NANS: variants seen among roughly 807,000 people sequenced by gnomAD.
NANS encodes the protein N-acetylneuraminate synthase, also known as N-acetylneuraminate-9-phosphate synthase.
In NANS, 29 loss-of-function variants were observed where a neutral mutation model predicts 33.3. That is an observed-to-expected ratio of 0.87 (90% CI 0.65 to 1.19). NANS has a LOEUF of 1.19. Among genes scored for constraint, NANS ranks in the 50% most tolerant of loss-of-function variants. NANS has a pLI of 0.00. For synonymous variants in NANS, 163 were observed against 177.2 expected, an observed-to-expected ratio of 0.92 and a Z score of 0.64; for missense variants, 394 against 461.1, an observed-to-expected ratio of 0.85 and a Z score of 1.33.
chr9:98,073,546 G>C (rs1829446675), intron 2 of NANS, among the ~76,000 whole-genome samples: 1 of 150,904 alleles, frequency 6.6e-6, no homozygotes, highest in South Asian at 2.1e-4. Flanking sequence ...GCCTCCCAAA[G>C]TGCTGGGATT....
chr9:98,078,055 C>A, intron 3 of NANS, 138 bp from the exon 4 acceptor site: 1 of 1,301,968 alleles, frequency 7.7e-7, no homozygotes, highest in Non-Finnish European at 1.1e-6. Context: ...TCTCTGTTCC[C>A]CCACAGGGGC....
At position 98,060,863 on chromosome 9, in the gene NANS, A is replaced by T; in HGVS notation, c.214A>T (p.Thr72Ser). 1 of 1,614,164 alleles carries T rather than the reference A, an allele frequency of 6.2e-7. No individual in the cohort carries two copies. The highest frequency in any genetic ancestry group is 2.2e-5 in the East Asian group (1 of 44,884). ...TCGGAAAGCCTTGGAGAGGCCATAC[A>T]CCTCGAAGCATTCCTGGGGGAAGAC... ...FNRKALERPYTSKHSWGKTYG... is the reference protein window; with the variant it reads ...FNRKALERPYSSKHSWGKTYG... Residue 72 changes from threonine (T) to serine (S), a missense_variant, in exon 2 of 6, where the codon ACC becomes TCC. By Grantham distance (58) the Thr-to-Ser change is moderately conservative. Transcript: ENST00000210444.
In NANS at chr9:98,063,405, C is replaced by T. The variant is rs562654025; in HGVS notation, c.348+2408C>T. 1.3e-4 allele frequency among the ~76,000 whole-genome samples: 20 copies of T among 151,926 alleles called. No homozygotes were observed. The South Asian group carries it at 4.0e-3, about 30-fold the overall frequency. On this transcript the variant is annotated intron_variant, in intron 2 of 5. Transcript: ENST00000210444. ...TACAGGCACCTGCCACCAGGCCCAG[C>T]TAAATTTTGTATTTTTAGTAGAGAT...
chr9:98,065,308 C>CTTTTT lies in NANS; in HGVS notation c.348+4328_348+4332dup, dbSNP rs758040892. ...TTTAAAGTGTTAGTCACTCCTGGTG[C>CTTTTT]TTTTTTTTTTTTTTTTTTTTTGAAA... On this transcript the variant is annotated intron_variant, in intron 2 of 5. Coordinates refer to ENST00000210444, the MANE Select transcript of NANS (RefSeq NM_018946.4). Among the ~76,000 whole-genome samples the CTTTTT allele has an allele frequency of 6.3e-4, 58 of 92,750 alleles. 1 individual carries two copies. The highest frequency in any genetic ancestry group is 4.2e-3 in the Admixed American group (35 of 8,336). 60.8% of individuals were successfully genotyped at this position (92,750 alleles called of 152,430 possible).
rs150529610 is a variant in NANS, at chr9:98,057,057, G to T, written c.132+117G>T. 680 of 1,325,142 alleles carry T rather than the reference G, an allele frequency of 5.1e-4. 7 individuals carry two copies. The East Asian group carries it at 0.019, about 37-fold the overall frequency. The allele number at this position is 1,325,142 out of a possible 1,614,324, so 82.1% of individuals were successfully genotyped here. A position where few individuals can be genotyped will look rare whatever the true frequency, so the allele number is the denominator to read the frequency against. ...GGGTACCCTGGTCCGGCCTCTTCCC[G>T]CCCGCCAGTTCCGTTTTCGGAATCC... On this transcript the variant is annotated intron_variant, in intron 1 of 5. Coordinates refer to ENST00000210444, the MANE Select transcript of NANS (RefSeq NM_018946.4).
At chr9:98,080,752 C>T (rs1587930883) in intron 4 of NANS, 64 bp from the exon 5 acceptor site, 2 of 1,512,480 alleles carry the variant, frequency 1.3e-6, no homozygotes, top group East Asian at 4.6e-5. Flanking sequence ...AGATACGCTT[C>T]ACCTGGAGAA....
At chr9:98,078,511 G>A (rs1829696134) in intron 4 of NANS, among the ~76,000 whole-genome samples, 164 bp downstream of exon 4, 1 of 152,006 alleles carries the variant, frequency 6.6e-6, no homozygotes, top group South Asian at 2.1e-4. Context: ...AGTTGAGGAA[G>A]CACATACATT....
At chr9:98,082,344 A>G (rs1479327686) in intron 5 of NANS, among the ~76,000 whole-genome samples, 1 of 152,180 alleles carries the variant, frequency 6.6e-6, no homozygotes, top group East Asian at 1.9e-4. Flanking sequence ...GTTATGTTTC[A>G]TCTTGGCTGT....
intron 5 of NANS, 133 bp downstream of exon 5, chr9:98,081,215 G>C: frequency 2.5e-6 from 3 of 1,222,736 alleles, no homozygotes; most frequent in Non-Finnish European, 3.4e-6. Flanking sequence ...GCTCCCACCC[G>C]TGTCAGCTTC....
intron 2 of NANS, among the ~76,000 whole-genome samples, chr9:98,067,315 T>C (rs1191282865): frequency 2.0e-5 from 3 of 152,202 alleles, no homozygotes; most frequent in Non-Finnish European, 4.4e-5. Flanking sequence ...ATGTTTAACT[T>C]TTTTGAGGAA....
rs778394555 is a variant in NANS, at chr9:98,080,899, T to C, written c.687T>C (p.Ala229=). ...TAGCGATATCTGTGGCCGCAGTGGC[T>C]CTGGGGGCCAAGGTGTTGGAACGTC... The part of the protein sequence containing the change: ...TGIAISVAAV[A]LGAKVLERHI... Residue 229 remains alanine (A), a synonymous_variant, in exon 5 of 6, where the codon GCT becomes GCC. Coordinates refer to ENST00000210444, the MANE Select transcript of NANS (RefSeq NM_018946.4). 5.0e-6 allele frequency: 8 copies of C among 1,614,078 alleles called. No individual in the cohort carries two copies.
intron 4 of NANS, 116 bp downstream of exon 4, chr9:98,078,463 G>A (rs1278982940): frequency 7.6e-6 from 10 of 1,312,894 alleles, no homozygotes; most frequent in African/African-American, 1.5e-5. Flanking sequence ...AACATCCTTT[G>A]ACAGTCTTGC....
intron 1 of NANS, among the ~76,000 whole-genome samples, chr9:98,059,060 G>A (rs1010605305): frequency 6.6e-6 from 1 of 151,632 alleles, no homozygotes; most frequent in African/African-American, 2.4e-5. Context: ...GTCTCGCTGT[G>A]TCACCCAGGC....
chr9:98,057,114 C>A (rs535621300), intron 1 of NANS, among the ~76,000 whole-genome samples, 174 bp downstream of exon 1: 11 of 152,376 alleles, frequency 7.2e-5, no homozygotes, highest in African/African-American at 2.2e-4. Context: ...GTGTCCGCCA[C>A]CCTCGTGACC....
chr9:98,064,934 T>G lies in NANS; in HGVS notation c.348+3937T>G, dbSNP rs967426656. On this transcript the variant is annotated intron_variant, in intron 2 of 5. Coordinates refer to ENST00000210444, the MANE Select transcript of NANS (RefSeq NM_018946.4). ...GCTGCCTTGGGAGTGGGGACAGATT[T>G]TTTTTTTAAACCTACGTAAAAAGGT... Among the ~76,000 whole-genome samples the G allele has an allele frequency of 2.0e-5, 3 of 152,174 alleles. No individual in the cohort carries two copies. The South Asian group carries it at 6.2e-4, about 32-fold the overall frequency.
chr9:98,059,629 G>A (rs1296053336), intron 1 of NANS, among the ~76,000 whole-genome samples: 2 of 151,952 alleles, frequency 1.3e-5, no homozygotes, highest in Non-Finnish European at 2.9e-5. Flanking sequence ...TGCCGAGGCT[G>A]GTCTTGAACT....
At chr9:98,064,849 T>C (rs1829089068) in intron 2 of NANS, among the ~76,000 whole-genome samples, 1 of 152,200 alleles carries the variant, frequency 6.6e-6, no homozygotes, top group Non-Finnish European at 1.5e-5. Flanking sequence ...AGTCTCCGCA[T>C]GCACCACGCT....
chr9:98,080,890 C>T lies in NANS; in HGVS notation c.678C>T (p.Ala226=), dbSNP rs113232300. 8.1e-5 allele frequency: 130 copies of T among 1,614,044 alleles called. No homozygotes were observed. The South Asian group carries it at 1.2e-3, about 15-fold the overall frequency. Residue 226 remains alanine, a synonymous_variant, in exon 5 of 6, where the codon GCC becomes GCT. Transcript: ENST00000210444. ...AAACAGGCATAGCGATATCTGTGGC[C>T]GCAGTGGCTCTGGGGGCCAAGGTGT... ...GHETGIAISV[A]AVALGAKVLE...
intron 3 of NANS, among the ~76,000 whole-genome samples, chr9:98,077,815 T>C (rs1380891237): frequency 1.3e-5 from 2 of 152,326 alleles, no homozygotes; most frequent in East Asian, 3.9e-4. Flanking sequence ...CAGGCACAGC[T>C]AGAAGTGGCA....
Sources: allele counts gnomAD v4.1 joint callset (sites outside exome capture counted in the v4.1 genomes callset), GRCh38; gene constraint gnomAD v4.1.1; transcripts MANE v1.5; gene names NCBI Gene and HGNC (gene_info 2026-07-23, HGNC 2026-07-21).